Variants in CAST observed in about 807,000 individuals in gnomAD.
The protein encoded by CAST is calpastatin.
A neutral mutation model predicts 119.6 loss-of-function variants in CAST; 76 were observed. That is an observed-to-expected ratio of 0.64 (90% CI 0.53 to 0.77). The LOEUF (loss-of-function observed/expected upper bound fraction) is 0.77. Among genes scored for constraint, CAST ranks in the 30% least tolerant of loss-of-function variants. The pLI is 0.00. For synonymous variants in CAST, 319 were observed against 331.6 expected (o/e 0.96, Z 0.41); for missense variants, 953 against 946.5 (o/e 1.01, Z -0.09).
the CAST span, among the ~76,000 whole-genome samples, chr5:95,974,001 ACG>A: frequency 4.8e-5 from 6 of 123,966 alleles, no homozygotes; most frequent in East Asian, 9.5e-4. Context: ...AAAAATTTGC[ACG>A]CACACACACA....
the CAST span, among the ~76,000 whole-genome samples, chr5:96,357,903 T>C: frequency 3.9e-5 from 6 of 152,204 alleles, no homozygotes; most frequent in Non-Finnish European, 5.9e-5. Context: ...CCAGAAGGAA[T>C]GGTACCAGCT....
rs1561414533 is a variant in CAST, at chr5:96,554,247, AC to A, written c.60+24369del. On this transcript the variant is annotated intron_variant, in intron 1 of 11. Transcript: ENST00000505143. The stretch of plus-strand genomic sequence containing the variant: ...ACAGAACAGAGGCCTCAGAAATAAC[AC>A]CACACATCTGTCACCATCTGATCTT... 3.3e-5 allele frequency among the ~76,000 whole-genome samples: 5 copies of A among 152,186 alleles called. No homozygotes were observed. The South Asian group carries it at 1.0e-3, about 32-fold the overall frequency.
At chr5:96,770,744 G>A (rs2150793822) in intron 30 of CAST, 142 bp downstream of exon 30, 2 of 582,404 alleles carry the variant, frequency 3.4e-6, no homozygotes, top group Middle Eastern at 3.3e-4. Context: ...GCATCGCTTG[G>A]TAAAGTAATT....
chr5:96,106,382 A>G, the CAST span, among the ~76,000 whole-genome samples: 383 of 152,260 alleles, frequency 2.5e-3, 1 homozygote, highest in Non-Finnish European at 3.8e-3. Flanking sequence ...TTCCCTCTAC[A>G]CACTGCTTTG....
chr5:96,577,727 A>G (rs1040536613), intron 1 of CAST, among the ~76,000 whole-genome samples: 14 of 152,132 alleles, frequency 9.2e-5, no homozygotes, highest in African/African-American at 3.4e-4. Context: ...TGATTCTATT[A>G]TCAACATACT....
At chr5:96,519,318 T>A in the CAST span, among the ~76,000 whole-genome samples, 22 of 152,202 alleles carry the variant, frequency 1.4e-4, no homozygotes, top group Non-Finnish European at 1.5e-5. Flanking sequence ...AAAACAGGTA[T>A]AGAGGCTGGC....
intron 1 of CAST, among the ~76,000 whole-genome samples, chr5:96,577,924 A>G (rs930436267): frequency 1.3e-5 from 2 of 152,110 alleles, no homozygotes; most frequent in Admixed American, 6.5e-5. Flanking sequence ...ATTTTTTGAC[A>G]TTAATATATA....
chr5:96,113,852 G>T, the CAST span, among the ~76,000 whole-genome samples: 3 of 152,278 alleles, frequency 2.0e-5, no homozygotes, highest in African/African-American at 7.2e-5. Flanking sequence ...AGGGCTGTTA[G>T]TTTCGTTATG....
the CAST span, among the ~76,000 whole-genome samples, chr5:96,290,891 A>T: frequency 2.0e-5 from 3 of 152,172 alleles, no homozygotes; most frequent in Non-Finnish European, 2.9e-5. Flanking sequence ...TGTGTAATCT[A>T]TAGGACCTTG....
At chr5:96,505,684 C>G in the CAST span, among the ~76,000 whole-genome samples, 1 of 152,196 alleles carries the variant, frequency 6.6e-6, no homozygotes, top group African/African-American at 2.4e-5. Flanking sequence ...GAAGGGGCCT[C>G]TTTCAGAGAT....
In CAST at chr5:96,664,821, G is replaced by A. The variant is rs144723037; in HGVS notation, c.75+2324G>A. On this transcript the variant is annotated intron_variant, in intron 1 of 31. Transcript: ENST00000675179. ...TACATTTCCTGGGCTTTTACATGTA[G>A]CATTTGATTGATGTGGTAAGAACAA... Among the ~76,000 whole-genome samples the A allele has an allele frequency of 1.6e-3, 238 of 152,184 alleles. 2 individuals are homozygous for A. Among genetic ancestry groups the A allele is most frequent in the African/African-American group, 5.6e-3 (231 of 41,546 alleles).
At chr5:96,476,703 A>T in the CAST span, among the ~76,000 whole-genome samples, 1 of 152,176 alleles carries the variant, frequency 6.6e-6, no homozygotes, top group African/African-American at 2.4e-5. Flanking sequence ...CCCTTAAGAC[A>T]GTCCTCATGT....
At chr5:96,568,875 A>G (rs1333542571) in intron 1 of CAST, among the ~76,000 whole-genome samples, 1 of 152,074 alleles carries the variant, frequency 6.6e-6, no homozygotes, top group African/African-American at 2.4e-5. Flanking sequence ...GGGACAATGA[A>G]AGTTGTATGG....
chr5:96,247,414 G>A, the CAST span, among the ~76,000 whole-genome samples: 1 of 152,242 alleles, frequency 6.6e-6, no homozygotes, highest in Non-Finnish European at 1.5e-5. Context: ...TGTTTCACAG[G>A]ACTCTAAGTG....
chr5:96,568,733 T>G lies in CAST; in HGVS notation c.60+38853T>G, dbSNP rs146164482. ...TTTGTTTTCATGGGAATATTTACTT[T>G]TTTTCCTTGTTGGACAGGGGAGTTA... On this transcript the variant is annotated intron_variant, in intron 1 of 11. Transcript: ENST00000505143. 3.2e-3 allele frequency among the ~76,000 whole-genome samples: 492 copies of G among 152,128 alleles called. 2 individuals carry two copies. Among genetic ancestry groups the G allele is most frequent in the Middle Eastern group, 0.01 (3 of 294 alleles).
chr5:96,583,060 C>A (rs1028232087), intron 1 of CAST, among the ~76,000 whole-genome samples: 1 of 152,108 alleles, frequency 6.6e-6, no homozygotes, highest in Non-Finnish European at 1.5e-5. Flanking sequence ...CCTGAGAAAT[C>A]GCTGTTAGAA....
the CAST span, among the ~76,000 whole-genome samples, chr5:96,266,704 A>C: frequency 6.6e-6 from 1 of 152,156 alleles, no homozygotes; most frequent in Non-Finnish European, 1.5e-5. Context: ...TCCAGTAAAA[A>C]CCCAAACAAG....
chr5:96,384,989 A>G, the CAST span, among the ~76,000 whole-genome samples: 1 of 152,222 alleles, frequency 6.6e-6, no homozygotes, highest in African/African-American at 2.4e-5. Context: ...CAAAGAATAG[A>G]CTTGGAGAAA....
At chr5:96,410,051 G>A in the CAST span, among the ~76,000 whole-genome samples, 1 of 152,176 alleles carries the variant, frequency 6.6e-6, no homozygotes, top group Non-Finnish European at 1.5e-5. Context: ...GGTCCTTTCT[G>A]TGTCAGGAGT....
Sources: gnomAD v4.1 joint callset for allele counts (sites outside exome capture counted in the v4.1 genomes callset) on GRCh38, gnomAD v4.1.1 for gene constraint, MANE v1.5 for transcripts, NCBI Gene and HGNC (gene_info 2026-07-23, HGNC 2026-07-21) for gene names.